Variants in KLHL29 observed in about 807,000 individuals in gnomAD.
KLHL29 encodes the protein kelch-like protein 29.
A neutral mutation model predicts 80.4 loss-of-function variants in KLHL29; 21 were observed. The ratio of observed to expected loss-of-function variants is 0.26; its 90% confidence interval spans 0.19 to 0.38. KLHL29 has a LOEUF of 0.38. Ranked by LOEUF, KLHL29 falls within the 10% of genes least tolerant of loss-of-function variation. The probability of loss-of-function intolerance (pLI) is 1.00; values close to 1 mark genes in which losing one functional copy is unlikely to be tolerated. For synonymous variants in KLHL29, 511 were observed against 526.8 expected (o/e 0.97, Z 0.41); for missense variants, 867 against 1,223.9 (o/e 0.71, Z 4.35).
chr2:23,401,989 T>C (rs1234550010), intron 1 of KLHL29, among the ~76,000 whole-genome samples: 1 of 152,220 alleles, frequency 6.6e-6, no homozygotes, highest in Non-Finnish European at 1.5e-5. Flanking sequence ...TATTCTGTTG[T>C]TGATTTTCCT....
rs542483035 is a variant in KLHL29 at position 23,422,737 on chromosome 2, G to A, written c.-154+36957G>A. The stretch of plus-strand genomic sequence containing the variant: ...CTGTGCAGGTGAGCGGGCAGTGCCC[G>A]TGTGTGTCTGTGTGTCTGTGTCTCT... On this transcript the variant is annotated intron_variant, in intron 1 of 13. Transcript: ENST00000486442. Among the ~76,000 whole-genome samples, 85 of 151,532 alleles carry A rather than the reference G, an allele frequency of 5.6e-4. 1 individual carries two copies. Among genetic ancestry groups the A allele is most frequent in the South Asian group, 1.5e-3 (7 of 4,768 alleles).
chr2:23,642,528 C>T lies in KLHL29; in HGVS notation c.618C>T (p.Leu206=). 1 of 1,536,606 alleles carries T rather than the reference C, an allele frequency of 6.5e-7. No homozygotes were observed. Among genetic ancestry groups the T allele is most frequent in the Middle Eastern group, 1.7e-4 (1 of 5,946 alleles). ...CGCTGATGCCAGGCCACTACTCGCT[C>T]CCTCAGCCGCCCTCTCAGCCACTGA... ...QLPLMPGHYS[L]PQPPSQPLSS... is the part of the protein sequence containing the mutation. Residue 206 remains leucine (L), a synonymous_variant, in exon 5 of 14, where the codon CTC becomes CTT. Transcript: ENST00000486442.
At chr2:23,569,462 A>G (rs1667664764) in intron 3 of KLHL29, among the ~76,000 whole-genome samples, 1 of 152,320 alleles carries the variant, frequency 6.6e-6, no homozygotes, top group Non-Finnish European at 1.5e-5. Context: ...TCTACTTCTT[A>G]CTCAGTTCTA....
chr2:23,570,469 GC>G (rs1333264661), intron 3 of KLHL29, among the ~76,000 whole-genome samples: 1 of 152,212 alleles, frequency 6.6e-6, no homozygotes, highest in African/African-American at 2.4e-5. Context: ...GGTCACCCTT[GC>G]TAGACCTGCT....
intron 3 of KLHL29, among the ~76,000 whole-genome samples, chr2:23,638,611 G>T (rs1669682100): frequency 6.6e-6 from 1 of 152,164 alleles, no homozygotes; most frequent in Non-Finnish European, 1.5e-5. Flanking sequence ...CTGGTGTGGG[G>T]GCAGGATAGG....
chr2:23,434,444 G>T (rs1233968194), intron 1 of KLHL29, among the ~76,000 whole-genome samples: 1 of 149,344 alleles, frequency 6.7e-6, no homozygotes, highest in Non-Finnish European at 1.5e-5. Flanking sequence ...GAAAGGCCTT[G>T]TGCAAACCCT....
chr2:23,418,703 A>G (rs909709557), intron 1 of KLHL29, among the ~76,000 whole-genome samples: 2 of 152,302 alleles, frequency 1.3e-5, no homozygotes, highest in Admixed American at 1.3e-4. Flanking sequence ...TGCTGGGGCC[A>G]CAGCTTATGA....
intron 1 of KLHL29, among the ~76,000 whole-genome samples, chr2:23,435,634 C>T: frequency 6.6e-6 from 1 of 152,170 alleles, no homozygotes; most frequent in East Asian, 1.9e-4. Flanking sequence ...CATTTAAATG[C>T]CCGAACTTAA....
At chr2:23,515,161 G>T (rs959615608) in intron 2 of KLHL29, among the ~76,000 whole-genome samples, 1 of 151,972 alleles carries the variant, frequency 6.6e-6, no homozygotes, top group Non-Finnish European at 1.5e-5. Flanking sequence ...GTCCCTCTTC[G>T]CATTTCTACC....
rs557262497 is a variant in KLHL29 at position 23,473,409 on chromosome 2, C to A, written c.-153-2151C>A. On this transcript the variant is annotated intron_variant, in intron 1 of 13. Coordinates refer to ENST00000486442, the MANE Select transcript of KLHL29 (RefSeq NM_052920.2). ...AACATCCAGTACAGTCTATAATAGC[C>A]AATGGGTCATTCACTTCCAGACCTT... is the stretch of plus-strand genomic sequence containing the variant. Among the ~76,000 whole-genome samples the A allele has an allele frequency of 1.8e-3, 273 of 152,248 alleles. 3 individuals carry two copies. Among genetic ancestry groups the A allele is most frequent in the South Asian group, 8.7e-3 (42 of 4,812 alleles).
intron 3 of KLHL29, among the ~76,000 whole-genome samples, chr2:23,597,289 TCTCTCTC>T (rs1479045038): frequency 0.19 from 19 of 102 alleles, no homozygotes; most frequent in Admixed American, 0.44. Context: ...TCTATCTCTC[TCTCTCTC>T]ATATATATAT....
At chr2:23,524,609 A>G (rs1038342416) in intron 2 of KLHL29, among the ~76,000 whole-genome samples, 3 of 148,584 alleles carry the variant, frequency 2.0e-5, no homozygotes, top group African/African-American at 7.4e-5. Context: ...TTCAACTCAG[A>G]GAGGGGGTGG....
rs188205644 is a variant in KLHL29 at position 23,681,212 on chromosome 2, G to A, written c.941-3187G>A. On this transcript the variant is annotated intron_variant, in intron 5 of 13. Coordinates refer to ENST00000486442, the MANE Select transcript of KLHL29 (RefSeq NM_052920.2). This position sits in a 1 kb window ranked among gnomAD's most constrained non-coding sequence, Gnocchi z 4.2. ...AATCGATACTAGGAATGCACTTGGG[G>A]CCTGCTGGGAATCCCCTGGTGAGCA... Among the ~76,000 whole-genome samples, 146 of 152,348 alleles carry A rather than the reference G, an allele frequency of 9.6e-4. 1 individual carries two copies. Among genetic ancestry groups the A allele is most frequent in the South Asian group, 6.8e-3 (33 of 4,832 alleles).
At chr2:23,528,393 G>C (rs1259733684) in intron 2 of KLHL29, among the ~76,000 whole-genome samples, 1 of 152,116 alleles carries the variant, frequency 6.6e-6, no homozygotes, top group East Asian at 1.9e-4. Flanking sequence ...CTCCATTTCC[G>C]ATGCTGGTTA....
chr2:23,548,720 A>C (rs892591720), intron 2 of KLHL29, among the ~76,000 whole-genome samples: 2 of 152,200 alleles, frequency 1.3e-5, no homozygotes, highest in African/African-American at 4.8e-5. Context: ...TGAAAAGCGT[A>C]CCTCGCCGAA....
chr2:23,595,149 G>A (rs182666694), intron 3 of KLHL29, among the ~76,000 whole-genome samples: 29 of 152,172 alleles, frequency 1.9e-4, no homozygotes, highest in African/African-American at 6.7e-4. Context: ...TGTTGCAGGC[G>A]CCCAGAAAGA....
chr2:23,642,518 A>C lies in KLHL29; in HGVS notation c.608A>C (p.His203Pro). 6.5e-7 allele frequency: 1 copy of C among 1,531,648 alleles called. No homozygotes were observed. The allele number at this position is 1,531,648 out of a possible 1,614,324, so 94.9% of individuals were successfully genotyped here. The change falls in exon 5 of 14, where the codon CAC becomes CCC. Residue 203 changes from histidine (H) to proline (P), a missense_variant. His to Pro is a moderately conservative substitution (Grantham distance 77). Coordinates refer to ENST00000486442, the MANE Select transcript of KLHL29 (RefSeq NM_052920.2). ...CCCCAGCTCCCGCTGATGCCAGGCC[A>C]CTACTCGCTCCCTCAGCCGCCCTCT... The part of the protein sequence containing the change: ...VGPQLPLMPG[H>P]YSLPQPPSQP...
At chr2:23,659,672 G>A (rs12713000) in intron 5 of KLHL29, among the ~76,000 whole-genome samples, 116,544 of 151,978 alleles carry the variant, frequency 0.77, 47,629 homozygotes, top group East Asian at 0.99. Context: ...CAGAGGAGGT[G>A]CCCTCACTCA....
intron 3 of KLHL29, chr2:23,617,640 G>C (rs560313733): frequency 6.6e-6 from 1 of 152,282 alleles, no homozygotes; most frequent in South Asian, 2.1e-4. Flanking sequence ...GTGGAGGGTG[G>C]GTGGACCAGC....
Sources: gnomAD v4.1 joint callset for allele counts (sites outside exome capture counted in the v4.1 genomes callset) on GRCh38, gnomAD v4.1.1 for gene constraint, Gnocchi (gnomAD v3.1) non-coding constraint, MANE v1.5 for transcripts, NCBI Gene and HGNC (gene_info 2026-07-23, HGNC 2026-07-21) for gene names.